Variants in TSHZ2 observed in about 807,000 individuals in gnomAD.
TSHZ2 encodes the protein teashirt homolog 2.
Under a neutral mutation model 74.4 loss-of-function variants are expected in TSHZ2, and 21 were observed. That is an observed-to-expected ratio of 0.28 (90% CI 0.20 to 0.41). TSHZ2 has a LOEUF of 0.41. Among genes scored for constraint, TSHZ2 ranks in the 10% least tolerant of loss-of-function variants. The pLI, the probability that TSHZ2 is intolerant of heterozygous loss-of-function variation, is 1.00. For missense variants in TSHZ2, 1,244 were observed against 1,293.5 expected (o/e 0.96, Z 0.59); for synonymous variants, 540 against 515.3 (o/e 1.05, Z -0.65).
At chr20:53,129,292 G>T (rs1221945202) in intron 1 of TSHZ2, among the ~76,000 whole-genome samples, 2 of 151,960 alleles carry the variant, frequency 1.3e-5, no homozygotes, top group Non-Finnish European at 2.9e-5. Flanking sequence ...AATTTTGTGG[G>T]TACATGGTAG....
chr20:53,152,579 G>A (rs1471622550), intron 1 of TSHZ2, among the ~76,000 whole-genome samples: 3 of 152,184 alleles, frequency 2.0e-5, no homozygotes, highest in Non-Finnish European at 4.4e-5. Flanking sequence ...TAGAAATTCA[G>A]CCATGCAGTC....
At chr20:53,184,385 A>G (rs1479398754) in intron 1 of TSHZ2, among the ~76,000 whole-genome samples, 2 of 152,196 alleles carry the variant, frequency 1.3e-5, no homozygotes, top group Non-Finnish European at 2.9e-5. Context: ...ATTTTAACGC[A>G]TCTTGGAGTT....
rs370341202 is a variant in TSHZ2 at position 53,402,882 on chromosome 20, T to G, written c.*9-84262T>G. Among the ~76,000 whole-genome samples, 17 of 152,344 alleles carry G rather than the reference T, an allele frequency of 1.1e-4. No individual in the cohort carries two copies. In the South Asian group the frequency reaches 3.1e-3, roughly 28 times the overall value. The stretch of plus-strand genomic sequence containing the variant: ...CAAACCGAACTTTGATTCTGCAGCC[T>G]GTTCTCCTACCCACCACACTGTTCA... On this transcript the variant is annotated intron_variant, in intron 2 of 2. Coordinates refer to ENST00000371497, the MANE Select transcript of TSHZ2 (RefSeq NM_173485.6).
intron 2 of TSHZ2, among the ~76,000 whole-genome samples, chr20:53,396,559 A>G (rs1460326725): frequency 6.6e-6 from 1 of 152,128 alleles, no homozygotes; most frequent in Non-Finnish European, 1.5e-5. Flanking sequence ...TAAAAAAGAG[A>G]GAGAGACCAG....
chr20:53,477,642 A>T (rs1353032304), intron 2 of TSHZ2, among the ~76,000 whole-genome samples: 1 of 149,506 alleles, frequency 6.7e-6, no homozygotes, highest in South Asian at 2.2e-4. Context: ...AATGGCAACA[A>T]AAGACAAAAT....
chr20:53,069,662 TAC>T (rs11471151), intron 1 of TSHZ2, among the ~76,000 whole-genome samples: 18,169 of 138,254 alleles, frequency 0.13, 1,129 homozygotes, highest in Non-Finnish European at 0.14. Flanking sequence ...AATGCTTTGA[TAC>T]ACACACACAC....
chr20:53,227,715 G>A (rs2123660384), intron 1 of TSHZ2, among the ~76,000 whole-genome samples: 1 of 152,248 alleles, frequency 6.6e-6, no homozygotes, highest in African/African-American at 2.4e-5. Context: ...AGGCTGTTGT[G>A]AAATATTGAT....
intron 2 of TSHZ2, among the ~76,000 whole-genome samples, chr20:53,278,438 T>C (rs1373283650): frequency 6.6e-6 from 1 of 152,158 alleles, no homozygotes; most frequent in Admixed American, 6.5e-5. Flanking sequence ...CCATGTCACT[T>C]CCACTTCCAT....
At chr20:53,171,798 T>G (rs748387978) in intron 1 of TSHZ2, among the ~76,000 whole-genome samples, 1 of 152,174 alleles carries the variant, frequency 6.6e-6, no homozygotes, top group Non-Finnish European at 1.5e-5. Flanking sequence ...CTACTTCTTA[T>G]GACTATCATT....
chr20:53,111,586 A>T (rs1003534260), intron 1 of TSHZ2, among the ~76,000 whole-genome samples: 2 of 152,212 alleles, frequency 1.3e-5, no homozygotes, highest in Admixed American at 1.3e-4. Context: ...AGAGGACATC[A>T]AAGTGTAATT....
chr20:53,289,111 C>G (rs1356082187), intron 2 of TSHZ2, among the ~76,000 whole-genome samples: 1 of 152,170 alleles, frequency 6.6e-6, no homozygotes, highest in Non-Finnish European at 1.5e-5. Context: ...ATAATGGTCT[C>G]CAACTCATCC....
chr20:53,301,587 A>G (rs151203961), intron 2 of TSHZ2, among the ~76,000 whole-genome samples: 1 of 152,336 alleles, frequency 6.6e-6, no homozygotes, highest in African/African-American at 2.4e-5. Context: ...ACATTAGAAT[A>G]CCTCAACCAA....
chr20:53,162,984 A>G (rs924005190), intron 1 of TSHZ2, among the ~76,000 whole-genome samples: 3 of 152,196 alleles, frequency 2.0e-5, no homozygotes, highest in Admixed American at 6.5e-5. Context: ...TAAAAAGTTT[A>G]CTATTAGAAA....
At chr20:53,190,124 TA>T (rs1568803417) in intron 1 of TSHZ2, among the ~76,000 whole-genome samples, 51 of 99,256 alleles carry the variant, frequency 5.1e-4, no homozygotes, top group African/African-American at 1.8e-3. Flanking sequence ...TATATATATA[TA>T]TATATATATA....
chr20:53,311,211 C>A (rs958020805), intron 2 of TSHZ2, among the ~76,000 whole-genome samples: 1 of 152,170 alleles, frequency 6.6e-6, no homozygotes, highest in Non-Finnish European at 1.5e-5. Flanking sequence ...ATCTTTTAAG[C>A]CATTCATAAA....
intron 1 of TSHZ2, among the ~76,000 whole-genome samples, chr20:53,138,111 A>G (rs1021449781): frequency 1.4e-4 from 21 of 152,150 alleles, no homozygotes; most frequent in African/African-American, 2.4e-4. Context: ...GGCCGGGCGC[A>G]GTGGCTCATG....
chr20:53,471,824 G>GAGAT (rs1985814238), intron 2 of TSHZ2, among the ~76,000 whole-genome samples: 5 of 71,506 alleles, frequency 7.0e-5, no homozygotes, highest in East Asian at 4.4e-4. Flanking sequence ...TTTTTTTTTT[G>GAGAT]AGATAGAGTT....
chr20:53,322,512 CAAAAA>C (rs1225665371), intron 2 of TSHZ2, among the ~76,000 whole-genome samples: 2 of 136,092 alleles, frequency 1.5e-5, no homozygotes, highest in Admixed American at 7.5e-5. Flanking sequence ...GACCCTGTCT[CAAAAA>C]AAAAAAAGAA....
At chr20:53,062,164 C>A (rs1040570184) in intron 1 of TSHZ2, among the ~76,000 whole-genome samples, 1 of 152,132 alleles carries the variant, frequency 6.6e-6, no homozygotes, top group Admixed American at 6.5e-5. Context: ...GCCACATCAC[C>A]AGTTAACCTC....
Sources: gnomAD v4.1 joint callset for allele counts (sites outside exome capture counted in the v4.1 genomes callset) on GRCh38, gnomAD v4.1.1 for gene constraint, MANE v1.5 for transcripts, NCBI Gene and HGNC (gene_info 2026-07-23, HGNC 2026-07-21) for gene names.